GARS1: variants seen among roughly 807,000 people sequenced by gnomAD.
The protein encoded by GARS1 is glycine--tRNA ligase.
In GARS1, 46 loss-of-function variants were observed where a neutral mutation model predicts 86.4. The ratio of observed to expected loss-of-function variants is 0.53; its 90% CI spans 0.42 to 0.68. The LOEUF is 0.68. Among genes scored for constraint, GARS1 ranks in the 30% least tolerant of loss-of-function variants. GARS1 has a pLI of 0.00. For missense variants in GARS1, 797 were observed against 915.6 expected (o/e 0.87, Z 1.67); for synonymous variants, 342 against 329.8 (o/e 1.04, Z -0.40).
Position 30,595,145 on chromosome 7 carries a change from T to TACC in GARS1, c.222+3_222+5dup. Reference sequence around the variant, plus strand: ...CTGAGGCTAGCAGTGCGCCAGCAGGTACCGGTGTTTTGCGCTCTCCGCTAA... The same window carrying TACC: ...CTGAGGCTAGCAGTGCGCCAGCAGGTACCACCGGTGTTTTGCGCTCTCCGCTAA... On this transcript the variant is annotated splice_region_variant and intron_variant, in intron 1 of 16. Transcript: ENST00000389266. 6.5e-7 allele frequency: 1 copy of TACC among 1,536,928 alleles called. No homozygotes were observed. The highest frequency in any genetic ancestry group is 8.7e-7 in the Non-Finnish European group (1 of 1,146,750).
chr7:30,611,754 G>C (rs1020654948), intron 7 of GARS1, among the ~76,000 whole-genome samples: 1 of 152,204 alleles, frequency 6.6e-6, no homozygotes, highest in African/African-American at 2.4e-5. Flanking sequence ...AAAGTGCTGG[G>C]ATTACAGGTG....
At position 30,595,069 on chromosome 7, in the gene GARS1, G is replaced by T; in HGVS notation, c.148G>T (p.Ala50Ser). ...SCPPISLPAAASRSSMDGAGA... is the reference protein window; with the variant it reads ...SCPPISLPAASSRSSMDGAGA... ...CCCCCCGATCTCCTTGCCCGCCGCC[G>T]CCTCCCGGAGCAGCATGGACGGCGC... Residue 50 changes from alanine to serine, a missense_variant, in exon 1 of 17, where the codon GCC (alanine) becomes TCC (serine). Physicochemically the swap from Ala to Ser is moderately conservative, Grantham distance 99 (BLOSUM62 1). Around this residue, in one of 2 missense-constraint regions of GARS1, gnomAD observed 199 missense variants for 176.9 expected, o/e 1.12. Transcript: ENST00000389266. 1 of 1,549,658 alleles carries T rather than the reference G, an allele frequency of 6.5e-7. No homozygotes were observed. The highest frequency in any genetic ancestry group is 2.4e-5 in the East Asian group (1 of 41,970).
intron 12 of GARS1, among the ~76,000 whole-genome samples, chr7:30,624,277 T>C (rs1783080829): frequency 6.6e-6 from 1 of 152,074 alleles, no homozygotes; most frequent in East Asian, 1.9e-4. Context: ...ACTATGAGAA[T>C]TGTTAAAGGC....
intron 10 of GARS1, among the ~76,000 whole-genome samples, chr7:30,618,486 T>C (rs11976576): frequency 0.092 from 13,968 of 152,026 alleles, 1,236 homozygotes; most frequent in African/African-American, 0.23. Flanking sequence ...ATACAAAAAT[T>C]AGCCAGGTGT....
At chr7:30,612,852 T>G (rs1389085426) in intron 8 of GARS1, among the ~76,000 whole-genome samples, 1 of 152,212 alleles carries the variant, frequency 6.6e-6, no homozygotes, top group Non-Finnish European at 1.5e-5. Context: ...TGGGAAGGCA[T>G]ATTGGGGCTG....
chr7:30,621,338 A>G, intron 10 of GARS1, 55 bp from the exon 11 acceptor site: 2 of 1,399,656 alleles, frequency 1.4e-6, no homozygotes, highest in Non-Finnish European at 2.0e-6. Context: ...TTGTGAATGA[A>G]CCCAATATAA....
chr7:30,613,510 A>G (rs1389976126), intron 8 of GARS1, among the ~76,000 whole-genome samples: 3 of 152,198 alleles, frequency 2.0e-5, no homozygotes, highest in Non-Finnish European at 4.4e-5. Flanking sequence ...AGTGTTACGA[A>G]GAGGGTTTAC....
At position 30,594,960 on chromosome 7, in the gene GARS1, C is replaced by T. The variant is rs753413723; in HGVS notation, c.39C>T (p.Arg13=). The T allele has an allele frequency of 7.5e-6, 12 of 1,595,876 alleles. No homozygotes were observed. Among genetic ancestry groups the T allele is most frequent in the Admixed American group, 3.4e-5 (2 of 59,640 alleles). ...SPRPVLLRGA[R]AALLLLLPPR... is the part of the protein sequence containing the mutation. ...GTCCAGTGCTGCTTAGAGGTGCTCG[C>T]GCCGCTCTGCTGCTGCTGCTGCCGC... The change falls in exon 1 of 17, where the codon CGC becomes CGT. Residue 13 remains arginine, a synonymous_variant. Coordinates refer to ENST00000389266, the MANE Select transcript of GARS1 (RefSeq NM_002047.4).
In GARS1 at chr7:30,632,566, G is replaced by C. The variant is rs79295938; in HGVS notation, c.2094+129G>C. 5 of 926,264 alleles carry C rather than the reference G, an allele frequency of 5.4e-6. No homozygotes were observed. The highest frequency in any genetic ancestry group is 2.6e-5 in the East Asian group (1 of 37,794). 57.4% of individuals were successfully genotyped at this position (926,264 alleles called of 1,614,324 possible). A position where few individuals can be genotyped will look rare whatever the true frequency, so the allele number is the denominator to read the frequency against. ...TCTTTTTAATTTTAATGAACGGCTT[G>C]TATCAGACAGAGCCCAGATTCTCAA... On this transcript the variant is annotated intron_variant, in intron 16 of 16. Coordinates refer to ENST00000389266, the MANE Select transcript of GARS1 (RefSeq NM_002047.4). The surrounding 1 kb of genome is among the most constrained non-coding windows in gnomAD (Gnocchi z 4.1).
Position 30,633,906 on chromosome 7 carries a change from A to AT in GARS1, c.*46_*47insT. 3.1e-6 allele frequency: 5 copies of AT among 1,600,092 alleles called. No individual in the cohort carries two copies. The highest frequency in any genetic ancestry group is 3.4e-6 in the Non-Finnish European group (4 of 1,172,394). ...GACCACTTGCGCTAATAAAAAAAAA[A>AT]AAAAACTACTCTTATGTCCACTTTA... On this transcript the variant is annotated 3_prime_UTR_variant, in exon 17 of 17. Transcript: ENST00000389266.
rs183021237 is a variant in GARS1, at chr7:30,609,164, G to T, written c.736-421G>T. Reference sequence around the variant, plus strand: ...TAATTACTCCATTGAGGAGAGGGTGGTGGCTATTAATAGTATATTTGCTTG... The same window carrying T: ...TAATTACTCCATTGAGGAGAGGGTGTTGGCTATTAATAGTATATTTGCTTG... On this transcript the variant is annotated intron_variant, in intron 6 of 16. Transcript: ENST00000389266. Among the ~76,000 whole-genome samples, 782 of 152,270 alleles carry T rather than the reference G, an allele frequency of 5.1e-3. 7 individuals carry two copies. The highest frequency in any genetic ancestry group is 0.017 in the African/African-American group (725 of 41,560).
At chr7:30,615,856 G>C (rs1782879726) in intron 8 of GARS1, 40 bp from the exon 9 acceptor site, 1 of 1,608,478 alleles carries the variant, frequency 6.2e-7, no homozygotes, top group Non-Finnish European at 8.5e-7. Flanking sequence ...GTTTTTTGTA[G>C]TTAAATATGC....
intron 8 of GARS1, among the ~76,000 whole-genome samples, chr7:30,614,563 T>TAA (rs1782847025): frequency 6.6e-6 from 1 of 152,092 alleles, no homozygotes; most frequent in Admixed American, 6.5e-5. Flanking sequence ...GAGACACTAT[T>TAA]AAAAAATAAA....
chr7:30,599,384 A>G (rs1208828239), intron 2 of GARS1, among the ~76,000 whole-genome samples: 4 of 152,156 alleles, frequency 2.6e-5, no homozygotes, highest in Non-Finnish European at 5.9e-5. Context: ...GCTTATCAGT[A>G]TCTACATCAA....
At chr7:30,602,372 CG>C (rs1562772539) in intron 4 of GARS1, among the ~76,000 whole-genome samples, 5 of 152,262 alleles carry the variant, frequency 3.3e-5, no homozygotes, top group African/African-American at 1.2e-4. Flanking sequence ...CCACTGCGCC[CG>C]GCCTGAAAGA....
In GARS1 at chr7:30,622,633, A is replaced by C. The variant is rs1007076294; in HGVS notation, c.1613+171A>C. The C allele has an allele frequency of 8.4e-6, 6 of 718,050 alleles. No individual in the cohort carries two copies. The African/African-American group carries it at 1.1e-4, about 13-fold the overall frequency. The allele number at this position is 718,050 out of a possible 1,614,324, so 44.5% of individuals were successfully genotyped here. ...TTTTGGCATTATAGCCTGAAAAAAG[A>C]TTTGAAATAGAATATACTTTTTTTT... On this transcript the variant is annotated intron_variant, in intron 12 of 16. Transcript: ENST00000389266.
chr7:30,602,610 G>A (rs993110576), intron 4 of GARS1, among the ~76,000 whole-genome samples: 1 of 152,170 alleles, frequency 6.6e-6, no homozygotes, highest in Non-Finnish European at 1.5e-5. Context: ...AGGTTTCAGT[G>A]GCAGAAAACA....
chr7:30,619,477 A>G (rs1361056216), intron 10 of GARS1, among the ~76,000 whole-genome samples: 1 of 152,200 alleles, frequency 6.6e-6, no homozygotes, highest in African/African-American at 2.4e-5. Flanking sequence ...CAATGTTGTT[A>G]TTCTCAGGCA....
intron 13 of GARS1, among the ~76,000 whole-genome samples, chr7:30,627,603 GTA>G (rs1252283196): frequency 6.6e-6 from 1 of 152,126 alleles, no homozygotes; most frequent in African/African-American, 2.4e-5. Context: ...TATTTCCTGT[GTA>G]TACCACGGGT....
Sources: allele counts gnomAD v4.1 joint callset (sites outside exome capture counted in the v4.1 genomes callset), GRCh38; gene constraint gnomAD v4.1.1; regional missense constraint gnomAD v4.1.1; non-coding constraint Gnocchi (gnomAD v3.1); transcripts MANE v1.5; gene names NCBI Gene and HGNC (gene_info 2026-07-23, HGNC 2026-07-21).